ALDH1L1: variants seen among roughly 807,000 people sequenced by gnomAD.
ALDH1L1 encodes cytosolic 10-formyltetrahydrofolate dehydrogenase.
ALDH1L1 carries 68 observed loss-of-function variants against 101.1 expected under a neutral mutation model. That is an observed-to-expected ratio of 0.67 (90% CI 0.55 to 0.82). The LOEUF (loss-of-function observed/expected upper bound fraction) is 0.82, where lower values mean the gene tolerates loss of function less well. Ranked by LOEUF, ALDH1L1 falls within the 40% of genes least tolerant of loss-of-function variation. ALDH1L1 has a pLI of 0.00. For missense variants in ALDH1L1, 1,087 were observed against 1,172.7 expected, an observed-to-expected ratio of 0.93 and a Z score of 1.07; for synonymous variants, 486 against 470.8, an observed-to-expected ratio of 1.03 and a Z score of -0.42.
At chr3:126,115,134 C>A (rs1299588214) in intron 17 of ALDH1L1, 4 of 456,410 alleles carry the variant, frequency 8.8e-6, no homozygotes, top group African/African-American at 6.0e-5. Context: ...TGGTGCTGCA[C>A]AAATTAAGGA....
intron 1 of ALDH1L1, among the ~76,000 whole-genome samples, chr3:126,194,018 C>T (rs2081567712): frequency 6.6e-6 from 1 of 152,042 alleles, no homozygotes; most frequent in Non-Finnish European, 1.5e-5. Context: ...TAAAAGACAC[C>T]ATATTCTAGG....
At chr3:126,108,089 T>G (rs888861440) in intron 20 of ALDH1L1, 3 of 152,264 alleles carry the variant, frequency 2.0e-5, no homozygotes, top group Admixed American at 6.5e-5. Context: ...GTTTTAACAC[T>G]GATTACAATT....
chr3:126,121,791 AG>A, intron 16 of ALDH1L1, among the ~76,000 whole-genome samples: 1 of 152,248 alleles, frequency 6.6e-6, no homozygotes, highest in Non-Finnish European at 1.5e-5. Context: ...AGGTGTGGCC[AG>A]GAAGGCAGCG....
At chr3:126,192,532 C>T (rs1360652460) in intron 1 of ALDH1L1, among the ~76,000 whole-genome samples, 1 of 152,122 alleles carries the variant, frequency 6.6e-6, no homozygotes, top group Non-Finnish European at 1.5e-5. Flanking sequence ...AGATCTCGTT[C>T]AGGAGGTCAG....
At chr3:126,104,119 G>GC (rs1945775394) in intron 22 of ALDH1L1, 1 of 529,512 alleles carries the variant, frequency 1.9e-6, no homozygotes, top group African/African-American at 1.9e-5. Flanking sequence ...ACAGTGGGAA[G>GC]CCCCTTCAGG....
At chr3:126,141,739 A>G (rs1407881685) in intron 9 of ALDH1L1, among the ~76,000 whole-genome samples, 1 of 152,010 alleles carries the variant, frequency 6.6e-6, no homozygotes, top group Non-Finnish European at 1.5e-5. Flanking sequence ...GTAAATACAT[A>G]CTTAGAAAAG....
chr3:126,148,391 C>T (rs1453832164), intron 8 of ALDH1L1, among the ~76,000 whole-genome samples: 3 of 152,246 alleles, frequency 2.0e-5, no homozygotes, highest in East Asian at 1.9e-4. Flanking sequence ...GAGCCCACAG[C>T]AGGCTCTTGG....
intron 8 of ALDH1L1, among the ~76,000 whole-genome samples, chr3:126,150,010 T>C (rs1175456527): frequency 1.3e-5 from 2 of 152,224 alleles, no homozygotes; most frequent in Non-Finnish European, 2.9e-5. Flanking sequence ...GTGTGCCTTA[T>C]GGGCAGCTTG....
intron 3 of ALDH1L1, 76 bp downstream of exon 3, chr3:126,158,329 C>T: frequency 1.5e-6 from 2 of 1,374,380 alleles, no homozygotes; most frequent in East Asian, 2.5e-5. Flanking sequence ...ATGCTTTGGG[C>T]TAATGGAAAG....
chr3:126,117,823 C>A (rs1201072731), intron 17 of ALDH1L1, among the ~76,000 whole-genome samples, 182 bp downstream of exon 17: 6 of 152,220 alleles, frequency 3.9e-5, no homozygotes, highest in Non-Finnish European at 7.3e-5. Context: ...TCCGCCCAGG[C>A]CTCCCCGGGG....
chr3:126,143,712 G>C (rs2080615148), intron 9 of ALDH1L1, among the ~76,000 whole-genome samples: 3 of 152,184 alleles, frequency 2.0e-5, no homozygotes, highest in African/African-American at 4.8e-5. Flanking sequence ...TTCAAGCACT[G>C]TGGGAGGATC....
rs201008159 is a variant in ALDH1L1, at chr3:126,124,493, T to C, written c.1801-42A>G. ...GAAAGGAGACTGGGTAAGGAGGTTTTTGAAAGTGGGGCTCTGCCTTCCCTC... is the reference window on the plus strand; with the variant it reads ...GAAAGGAGACTGGGTAAGGAGGTTTCTGAAAGTGGGGCTCTGCCTTCCCTC... On this transcript the variant is annotated intron_variant, in intron 15 of 22. Transcript: ENST00000393434. The C allele has an allele frequency of 8.0e-5, 123 of 1,542,100 alleles. No individual in the cohort carries two copies. In the African/African-American group the frequency reaches 8.9e-4, roughly 11 times the overall value.
Position 126,114,880 on chromosome 3 carries a change from A to T in ALDH1L1, c.1983-224T>A, listed in dbSNP as rs1281741477. The T allele has an allele frequency of 1.7e-5, 10 of 589,880 alleles. No homozygotes were observed. In the Admixed American group the frequency reaches 2.2e-4, roughly 13 times the overall value. The allele number at this position is 589,880 out of a possible 1,614,324, so 36.5% of individuals were successfully genotyped here. A position where few individuals can be genotyped will look rare whatever the true frequency, so the allele number is the denominator to read the frequency against. On this transcript the variant is annotated intron_variant, in intron 17 of 22. Transcript: ENST00000393434. ...AGGCCTGTGCCCCACTGCCCCCTGG[A>T]CTGCCCTTCCTGCTGCCCACTCCAC... is the stretch of plus-strand genomic sequence containing the variant.
intron 3 of ALDH1L1, among the ~76,000 whole-genome samples, chr3:126,157,893 A>G (rs2080948742): frequency 6.6e-6 from 1 of 152,058 alleles, no homozygotes; most frequent in Non-Finnish European, 1.5e-5. Context: ...TCCCTCTTTG[A>G]CCACCCATCT....
upstream of ALDH1L1, among the ~76,000 whole-genome samples, chr3:126,182,518 G>T (rs141809598): frequency 1.3e-5 from 2 of 152,170 alleles, no homozygotes; most frequent in Admixed American, 1.3e-4. Flanking sequence ...CAATGATGGC[G>T]AAGACTAGCT....
At chr3:126,150,190 G>C (rs1553760356) in intron 8 of ALDH1L1, among the ~76,000 whole-genome samples, 1 of 152,206 alleles carries the variant, frequency 6.6e-6, no homozygotes, top group Non-Finnish European at 1.5e-5. Context: ...GAGTCAGACT[G>C]AACTGGCCAG....
chr3:126,154,671 G>C, intron 5 of ALDH1L1, 28 bp from the exon 6 acceptor site: 1 of 1,606,548 alleles, frequency 6.2e-7, no homozygotes, highest in South Asian at 1.1e-5. Context: ...TGTGTGCTCA[G>C]CTGGTCTCTC....
intron 14 of ALDH1L1, chr3:126,129,321 C>G (rs1486968410): frequency 1.3e-5 from 2 of 152,326 alleles, no homozygotes; most frequent in African/African-American, 2.4e-5. Flanking sequence ...TCAGGTGGAG[C>G]TGAGGGGCCT....
chr3:126,107,055 T>C (rs1945901044), intron 21 of ALDH1L1, 86 bp downstream of exon 21: 7 of 1,274,248 alleles, frequency 5.5e-6, no homozygotes, highest in South Asian at 4.8e-5. Context: ...TGACTGCCCG[T>C]AGACTACCTC....
Sources: gnomAD v4.1 joint callset for allele counts (sites outside exome capture counted in the v4.1 genomes callset) on GRCh38, gnomAD v4.1.1 for gene constraint, MANE v1.5 for transcripts, NCBI Gene and HGNC (gene_info 2026-07-23, HGNC 2026-07-21) for gene names.